Variants in RORA observed in about 807,000 individuals in gnomAD.
The protein encoded by RORA is RAR related orphan receptor A.
In RORA, 7 loss-of-function variants were observed where a neutral mutation model predicts 69.5. The observed-to-expected ratio is 0.10, with a 90% CI of 0.06 to 0.19. The LOEUF is 0.19. RORA is among the 10% of genes least tolerant of loss of function. The pLI is 1.00. For synonymous variants in RORA, 261 were observed against 240.8 expected, an observed-to-expected ratio of 1.08 and a Z score of -0.78; for missense variants, 457 against 663.0, an observed-to-expected ratio of 0.69 and a Z score of 3.41.
At chr15:60,948,083 A>C (rs1892954449) in intron 1 of RORA, among the ~76,000 whole-genome samples, 1 of 152,214 alleles carries the variant, frequency 6.6e-6, no homozygotes, top group South Asian at 2.1e-4. Context: ...CCACAGAGAA[A>C]GTGAAGACGG....
intron 1 of RORA, among the ~76,000 whole-genome samples, chr15:61,159,504 G>A (rs1438157805): frequency 6.6e-6 from 1 of 152,086 alleles, no homozygotes; most frequent in Non-Finnish European, 1.5e-5. Flanking sequence ...TGAATTCTAA[G>A]TAATTAGCAA....
chr15:60,615,701 C>T (rs78915965), intron 2 of RORA, among the ~76,000 whole-genome samples: 4,039 of 152,216 alleles, frequency 0.027, 177 homozygotes, highest in African/African-American at 0.091. Flanking sequence ...AACCTTTGTG[C>T]GCTGCTGAAA....
chr15:60,853,544 C>T (rs969383261), intron 1 of RORA, among the ~76,000 whole-genome samples: 1 of 152,164 alleles, frequency 6.6e-6, no homozygotes, highest in African/African-American at 2.4e-5. Flanking sequence ...AACAAGAAGA[C>T]ATCAAAAAGG....
At chr15:60,681,888 G>A (rs990759117) in intron 1 of RORA, 3 of 152,146 alleles carry the variant, frequency 2.0e-5, no homozygotes, top group Non-Finnish European at 4.4e-5. Flanking sequence ...GCTCTGAATC[G>A]AGATTTTTGG....
At chr15:60,948,103 C>G (rs2140331033) in intron 1 of RORA, among the ~76,000 whole-genome samples, 1 of 152,188 alleles carries the variant, frequency 6.6e-6, no homozygotes, top group Middle Eastern at 3.4e-3. Flanking sequence ...GCTAAGACAA[C>G]CAGGTCATGC....
intron 1 of RORA, among the ~76,000 whole-genome samples, chr15:60,806,864 T>C (rs1420990138): frequency 6.6e-6 from 1 of 152,204 alleles, no homozygotes; most frequent in Admixed American, 6.5e-5. Flanking sequence ...GCCAGTTTTC[T>C]TTGTAGTGAG....
intron 1 of RORA, among the ~76,000 whole-genome samples, chr15:61,027,521 A>G (rs1439863896): frequency 6.6e-6 from 1 of 152,190 alleles, no homozygotes; most frequent in African/African-American, 2.4e-5. Context: ...CATCTTTAAA[A>G]TTAGGAAACT....
chr15:61,210,482 C>T (rs1369225359), intron 1 of RORA, among the ~76,000 whole-genome samples: 4 of 152,170 alleles, frequency 2.6e-5, no homozygotes, highest in Non-Finnish European at 4.4e-5. Context: ...CCTATTATAA[C>T]AGAATAAAAT....
chr15:60,603,855 C>T (rs113335544), intron 2 of RORA, among the ~76,000 whole-genome samples: 256 of 152,214 alleles, frequency 1.7e-3, no homozygotes, highest in African/African-American at 5.9e-3. Context: ...ACAAACAGGG[C>T]GGGGCATGGT....
chr15:60,798,549 A>G (rs2072530600), intron 1 of RORA, among the ~76,000 whole-genome samples: 1 of 151,900 alleles, frequency 6.6e-6, no homozygotes, highest in African/African-American at 2.4e-5. Flanking sequence ...CTAAGCAAGA[A>G]GCAAGTATTC....
At chr15:60,925,123 A>T (rs1595820355) in intron 1 of RORA, among the ~76,000 whole-genome samples, 1 of 151,282 alleles carries the variant, frequency 6.6e-6, no homozygotes, top group East Asian at 1.9e-4. Context: ...AAATAAAATA[A>T]AATAAAATAA....
At chr15:60,879,288 A>T (rs184532620) in intron 1 of RORA, among the ~76,000 whole-genome samples, 3,305 of 152,058 alleles carry the variant, frequency 0.022, 111 homozygotes, top group African/African-American at 0.075. Flanking sequence ...GGCCTTGGAG[A>T]AGTTTTTTTT....
chr15:60,885,833 C>T (rs12907550), intron 1 of RORA, among the ~76,000 whole-genome samples: 29,567 of 152,166 alleles, frequency 0.19, 3,715 homozygotes, highest in Non-Finnish European at 0.28. Flanking sequence ...ATAACAACAT[C>T]GCCTTGATGG....
chr15:61,200,447 C>T (rs1187439135), intron 1 of RORA, among the ~76,000 whole-genome samples: 1 of 152,112 alleles, frequency 6.6e-6, no homozygotes, highest in Non-Finnish European at 1.5e-5. Context: ...TCCATCGGGG[C>T]CCAGAGCAAA....
intron 2 of RORA, among the ~76,000 whole-genome samples, chr15:60,597,061 A>G (rs62003317): frequency 0.08 from 12,113 of 152,206 alleles, 634 homozygotes; most frequent in Non-Finnish European, 0.12. Flanking sequence ...AGTCGGTCCA[A>G]ACATTCCTAA....
At chr15:61,050,129 C>T (rs1302916567) in intron 1 of RORA, among the ~76,000 whole-genome samples, 1 of 152,172 alleles carries the variant, frequency 6.6e-6, no homozygotes, top group African/African-American at 2.4e-5. Context: ...AAACTACTGC[C>T]CATGTGGTCT....
At chr15:60,780,046 C>T (rs923434030) in intron 1 of RORA, among the ~76,000 whole-genome samples, 2 of 152,084 alleles carry the variant, frequency 1.3e-5, no homozygotes, top group Non-Finnish European at 2.9e-5. Flanking sequence ...TCACAGAATA[C>T]ATGTGACATG....
intron 1 of RORA, among the ~76,000 whole-genome samples, chr15:61,112,775 G>T (rs2079018103): frequency 1.3e-5 from 2 of 152,182 alleles, no homozygotes; most frequent in South Asian, 4.1e-4. Flanking sequence ...TATTAAATAG[G>T]AGGTGAGAGT....
chr15:60,680,750 C>T (rs1285960576), intron 1 of RORA, among the ~76,000 whole-genome samples: 1 of 152,106 alleles, frequency 6.6e-6, no homozygotes, highest in Non-Finnish European at 1.5e-5. Context: ...ATCTTACATT[C>T]AAATTTAACT....
Sources: gnomAD v4.1 joint callset for allele counts (sites outside exome capture counted in the v4.1 genomes callset) on GRCh38, gnomAD v4.1.1 for gene constraint, MANE v1.5 for transcripts, NCBI Gene and HGNC (gene_info 2026-07-23, HGNC 2026-07-21) for gene names.